The following CYFIP1 variants were observed in gnomAD, a reference collection of about 807,000 sequenced individuals.
CYFIP1 encodes cytoplasmic FMR1-interacting protein 1.
A neutral mutation model predicts 163.5 loss-of-function variants in CYFIP1; 58 were observed. The ratio of observed to expected loss-of-function variants is 0.35; its 90% CI spans 0.29 to 0.44. The LOEUF is 0.44. Ranked by LOEUF, CYFIP1 falls within the 20% of genes least tolerant of loss-of-function variation. CYFIP1 has a pLI of 1.00. For missense variants in CYFIP1, 1,338 were observed against 1,653.8 expected (o/e 0.81, Z 3.31); for synonymous variants, 663 against 660.7 (o/e 1.00, Z -0.05).
chr15:22,964,402 CACA>C (rs2062828443), intron 1 of CYFIP1, among the ~76,000 whole-genome samples: 1 of 146,664 alleles, frequency 6.8e-6, no homozygotes, highest in Admixed American at 6.7e-5. Flanking sequence ...CACACACACA[CACA>C]CACCCGGCAG....
intron 21 of CYFIP1, among the ~76,000 whole-genome samples, chr15:22,908,514 ATTTCTTTTTTT>A (rs2060661213): frequency 2.1e-5 from 2 of 95,160 alleles, no homozygotes; most frequent in Middle Eastern, 6.1e-3. Flanking sequence ...TAAAGAAGAT[ATTTCTTTTTTT>A]TTTTTTTTTT....
chr15:22,932,371 G>T, intron 10 of CYFIP1, 31 bp from the exon 11 acceptor site: 1 of 1,508,784 alleles, frequency 6.6e-7, no homozygotes, highest in Middle Eastern at 1.7e-4. Flanking sequence ...CGCGTTACCT[G>T]CGGAGGCGCC....
rs772689105 is a variant in CYFIP1 at position 22,932,344 on chromosome 15, T to G, written c.993-4A>C. On this transcript the variant is annotated splice_polypyrimidine_tract_variant and splice_region_variant and intron_variant, in intron 10 of 30. Coordinates refer to ENST00000617928, the MANE Select transcript of CYFIP1 (RefSeq NM_014608.6). ...GCCGGAGGATGTGCACGTCCATCTG[T>G]GCAGAGAGAAAGCACCCGCGTTACC... 1 of 1,589,668 alleles carries G rather than the reference T, an allele frequency of 6.3e-7. No homozygotes were observed.
At chr15:22,952,243 T>G (rs191059840) in intron 1 of CYFIP1, among the ~76,000 whole-genome samples, 1 of 150,964 alleles carries the variant, frequency 6.6e-6, no homozygotes, top group African/African-American at 2.4e-5. Context: ...GGCTGGGGAG[T>G]TGGTGTTTAG....
Position 22,925,979 on chromosome 15 carries a change from C to G in CYFIP1, c.1359+3G>C. On this transcript the variant is annotated splice_donor_region_variant and intron_variant, in intron 13 of 30. Transcript: ENST00000617928. ...GGAAGAGCGAGCGGCCGAGCATCCTCACCTCCACTAGGGCAAACTTCTCCT... is the reference window on the plus strand; with the variant it reads ...GGAAGAGCGAGCGGCCGAGCATCCTGACCTCCACTAGGGCAAACTTCTCCT... 1 of 1,613,158 alleles carries G rather than the reference C, an allele frequency of 6.2e-7. No individual in the cohort carries two copies. Among genetic ancestry groups the G allele is most frequent in the South Asian group, 1.1e-5 (1 of 91,036 alleles).
chr15:22,917,984 A>T lies in CYFIP1; in HGVS notation c.1527-49T>A, dbSNP rs374023886. 2 of 1,586,380 alleles carry T rather than the reference A, an allele frequency of 1.3e-6. No individual in the cohort carries two copies. The highest frequency in any genetic ancestry group is 2.7e-5 in the African/African-American group (2 of 73,814). On this transcript the variant is annotated intron_variant, in intron 14 of 30. Coordinates refer to ENST00000617928, the MANE Select transcript of CYFIP1 (RefSeq NM_014608.6). The surrounding 1 kb of genome is among the most constrained non-coding windows in gnomAD (Gnocchi z 4.2). Reference sequence around the variant, plus strand: ...GCAAGGCCCAGAGGCCGAGACCTCCAGCCTCACAATCACACCATCTCCTCA... The same window carrying T: ...GCAAGGCCCAGAGGCCGAGACCTCCTGCCTCACAATCACACCATCTCCTCA...
At position 22,868,612 on chromosome 15, in the gene CYFIP1, G is replaced by T. The variant is rs2059316852; in HGVS notation, c.*1416C>A. On this transcript the variant is annotated 3_prime_UTR_variant, in exon 31 of 31. Coordinates refer to ENST00000617928, the MANE Select transcript of CYFIP1 (RefSeq NM_014608.6). Reference sequence around the variant, plus strand: ...TTTTAGGGAACTTTTTATAAAGAAAGAATAATTGTTTGTTAGGCTTCATGT... The same window carrying T: ...TTTTAGGGAACTTTTTATAAAGAAATAATAATTGTTTGTTAGGCTTCATGT... 7.0e-6 allele frequency: 1 copy of T among 143,026 alleles called. No homozygotes were observed. Among genetic ancestry groups the T allele is most frequent in the East Asian group, 2.3e-4 (1 of 4,410 alleles). The allele number at this position is 143,026 out of a possible 1,614,324, so 8.9% of individuals were successfully genotyped here. A position where few individuals can be genotyped will look rare whatever the true frequency, so the allele number is the denominator to read the frequency against.
At chr15:22,871,673 GTTCTC>G (rs2059437383) in intron 30 of CYFIP1, among the ~76,000 whole-genome samples, 1 of 152,194 alleles carries the variant, frequency 6.6e-6, no homozygotes, top group South Asian at 2.1e-4. Context: ...GTCAGGGAAT[GTTCTC>G]TGGCCGGAGG....
At chr15:22,933,085 C>G (rs1293327361) in intron 10 of CYFIP1, among the ~76,000 whole-genome samples, 1 of 152,114 alleles carries the variant, frequency 6.6e-6, no homozygotes, top group East Asian at 1.9e-4. Flanking sequence ...CCATCCACCT[C>G]GGCCTCCCAA....
chr15:22,970,289 G>A lies in CYFIP1; in HGVS notation c.-7+9998C>T, dbSNP rs570624882. ...TAAAAAATATAAAACACTGCTGAAA[G>A]AAATTAAATACAAACAAATGGAAAG... On this transcript the variant is annotated intron_variant, in intron 1 of 30. Transcript: ENST00000617928. Among the ~76,000 whole-genome samples the A allele has an allele frequency of 3.2e-4, 49 of 152,220 alleles. 2 individuals are homozygous for A. In the South Asian group the frequency reaches 9.3e-3, roughly 29 times the overall value.
intron 14 of CYFIP1, 150 bp from the exon 15 acceptor site, chr15:22,918,085 G>A: frequency 1.1e-6 from 1 of 901,890 alleles, no homozygotes; most frequent in Non-Finnish European, 1.7e-6. Context: ...ATGTGGTAAT[G>A]GACCAGCTCA....
At chr15:22,950,411 G>T (rs1309464436) in intron 1 of CYFIP1, among the ~76,000 whole-genome samples, 3 of 152,104 alleles carry the variant, frequency 2.0e-5, no homozygotes, top group Non-Finnish European at 4.4e-5. Flanking sequence ...GAGAAGGAAG[G>T]GGTCAGCTCC....
In CYFIP1 at chr15:22,963,536, T is replaced by TAAC. The variant is rs778407095; in HGVS notation, c.-6-16248_-6-16246dup. On this transcript the variant is annotated intron_variant, in intron 1 of 30. Coordinates refer to ENST00000617928, the MANE Select transcript of CYFIP1 (RefSeq NM_014608.6). ...TAACATAACATAACATAACATAACA[T>TAAC]AACATAACATAACATAACATAAGAA... Among the ~76,000 whole-genome samples, 281 of 145,428 alleles carry TAAC rather than the reference T, an allele frequency of 1.9e-3. 5 individuals carry two copies. The East Asian group carries it at 0.021, about 11-fold the overall frequency.
chr15:22,895,289 C>T (rs1214445922), intron 22 of CYFIP1, among the ~76,000 whole-genome samples: 4 of 152,146 alleles, frequency 2.6e-5, no homozygotes, highest in Non-Finnish European at 5.9e-5. Flanking sequence ...GCTGGGATTA[C>T]AGGCGTAAGC....
intron 23 of CYFIP1, 103 bp downstream of exon 23, chr15:22,892,787 G>A (rs1195022259): frequency 1.3e-6 from 1 of 795,144 alleles, no homozygotes; most frequent in Non-Finnish European, 2.1e-6. Flanking sequence ...TTTATACACA[G>A]CGTGATACAT....
rs116198896 is a variant in CYFIP1, at chr15:22,918,990, T to A, written c.1360-132A>T. ...CCCTCCCGCGTTCGTGCCCTGCAGC[T>A]GCCCTGCCCCAAAACGTCTTCTCCA... On this transcript the variant is annotated intron_variant, in intron 13 of 30. Transcript: ENST00000617928. 1,480 of 678,082 alleles carry A rather than the reference T, an allele frequency of 2.2e-3. 24 individuals are homozygous for A. In the African/African-American group the frequency reaches 0.024, roughly 11 times the overall value. The allele number at this position is 678,082 out of a possible 1,614,324, so 42.0% of individuals were successfully genotyped here.
intron 22 of CYFIP1, among the ~76,000 whole-genome samples, chr15:22,893,294 C>T (rs1277046556): frequency 6.6e-6 from 1 of 152,146 alleles, no homozygotes; most frequent in Non-Finnish European, 1.5e-5. Context: ...ACGGCGAGGA[C>T]GGTGGGGCAG....
intron 8 of CYFIP1, among the ~76,000 whole-genome samples, 156 bp from the exon 9 acceptor site, chr15:22,937,364 G>A (rs2061743820): frequency 1.3e-5 from 2 of 152,108 alleles, no homozygotes; most frequent in Admixed American, 6.5e-5. Context: ...TGCTTGAAAT[G>A]CATCATTTTA....
At position 22,908,355 on chromosome 15, in the gene CYFIP1, C is replaced by T. The variant is rs1347508587; in HGVS notation, c.2388+839G>A. Among the ~76,000 whole-genome samples, 5 of 151,816 alleles carry T rather than the reference C, an allele frequency of 3.3e-5. No individual in the cohort carries two copies. The South Asian group carries it at 6.2e-4, about 19-fold the overall frequency. ...GAGGGTGAGCGGGGAACGTTGGCCCCGAACACACATCCTCACTGGGAAACC... is the reference window on the plus strand; with the variant it reads ...GAGGGTGAGCGGGGAACGTTGGCCCTGAACACACATCCTCACTGGGAAACC... On this transcript the variant is annotated intron_variant, in intron 21 of 30. Coordinates refer to ENST00000617928, the MANE Select transcript of CYFIP1 (RefSeq NM_014608.6).
Sources: gnomAD v4.1 joint callset for allele counts (sites outside exome capture counted in the v4.1 genomes callset) on GRCh38, gnomAD v4.1.1 for gene constraint, Gnocchi (gnomAD v3.1) non-coding constraint, MANE v1.5 for transcripts, NCBI Gene and HGNC (gene_info 2026-07-23, HGNC 2026-07-21) for gene names.